MCF2L2: variants seen among roughly 807,000 people sequenced by gnomAD.
The protein encoded by MCF2L2 is probable guanine nucleotide exchange factor MCF2L2.
A neutral mutation model predicts 150.2 loss-of-function variants in MCF2L2; 102 were observed. The observed-to-expected ratio is 0.68, with a 90% CI of 0.58 to 0.80. MCF2L2 has a LOEUF of 0.80. MCF2L2 is among the 30% of genes least tolerant of loss of function. The pLI, the probability that MCF2L2 is intolerant of heterozygous loss-of-function variation, is 0.00. For synonymous variants in MCF2L2, 465 were observed against 491.3 expected (o/e 0.95, Z 0.71); for missense variants, 1,256 against 1,372.8 (o/e 0.91, Z 1.34).
At chr3:183,273,065 CTG>C in intron 15 of MCF2L2, 1 of 1,480,458 alleles carries the variant, frequency 6.8e-7, no homozygotes, top group Non-Finnish European at 9.0e-7. Flanking sequence ...AGAAGAGTAT[CTG>C]TAAATAAAAG....
chr3:183,401,362 GC>G (rs1714744828), intron 1 of MCF2L2, among the ~76,000 whole-genome samples: 1 of 152,150 alleles, frequency 6.6e-6, no homozygotes, highest in African/African-American at 2.4e-5. Context: ...TATCATTCAA[GC>G]TAAAATTTCA....
chr3:183,217,225 C>G (rs1722977181), intron 21 of MCF2L2, among the ~76,000 whole-genome samples: 1 of 129,866 alleles, frequency 7.7e-6, no homozygotes, highest in African/African-American at 2.9e-5. Flanking sequence ...ACCCAGGAGG[C>G]GGAGGTTGCA....
chr3:183,347,304 G>A (rs1730938173), intron 3 of MCF2L2, among the ~76,000 whole-genome samples: 1 of 152,172 alleles, frequency 6.6e-6, no homozygotes. Flanking sequence ...AAGCAATGGG[G>A]AAAGGATTCC....
intron 14 of MCF2L2, among the ~76,000 whole-genome samples, chr3:183,286,365 A>G (rs984622389): frequency 6.6e-6 from 1 of 152,158 alleles, no homozygotes; most frequent in Non-Finnish European, 1.5e-5. Flanking sequence ...TTCTAGACCT[A>G]AGGCCAAAAG....
Position 183,309,847 on chromosome 3 carries a change from A to C in MCF2L2, c.994-12T>G. 6.2e-7 allele frequency: 1 copy of C among 1,613,358 alleles called. No homozygotes were observed. The highest frequency in any genetic ancestry group is 1.1e-5 in the South Asian group (1 of 91,080). On this transcript the variant is annotated splice_polypyrimidine_tract_variant and intron_variant, in intron 9 of 29. Transcript: ENST00000328913. Reference sequence around the variant, plus strand: ...AGGGCAAGCTTAGCCTACAAGAAACATTAGAACAGTCCAGAAGTAAACCAA... The same window carrying C: ...AGGGCAAGCTTAGCCTACAAGAAACCTTAGAACAGTCCAGAAGTAAACCAA...
chr3:183,189,978 T>C (rs1721821668), intron 27 of MCF2L2, among the ~76,000 whole-genome samples: 1 of 152,186 alleles, frequency 6.6e-6, no homozygotes, highest in African/African-American at 2.4e-5. Context: ...TCTGCCACTT[T>C]TACCAGCCCA....
intron 3 of MCF2L2, among the ~76,000 whole-genome samples, chr3:183,345,051 G>A (rs558707758): frequency 5.3e-4 from 80 of 152,276 alleles, no homozygotes; most frequent in African/African-American, 1.9e-3. Context: ...CTTGAACTCA[G>A]CTCTGGACCA....
chr3:183,209,492 A>G lies in MCF2L2; in HGVS notation c.2497-1669T>C, dbSNP rs1722612564. Among the ~76,000 whole-genome samples the G allele has an allele frequency of 2.0e-5, 3 of 152,140 alleles. No homozygotes were observed. In the South Asian group the frequency reaches 6.2e-4, roughly 32 times the overall value. ...TGCTTCACGCACAAAATTATTTTTT[A>G]TTTTTTATTTTTTTGAGACGGAGTC... On this transcript the variant is annotated intron_variant, in intron 22 of 29. Coordinates refer to ENST00000328913, the MANE Select transcript of MCF2L2 (RefSeq NM_015078.4).
intron 25 of MCF2L2, among the ~76,000 whole-genome samples, chr3:183,196,002 C>T (rs939717855): frequency 1.3e-5 from 2 of 152,192 alleles, no homozygotes; most frequent in African/African-American, 2.4e-5. Flanking sequence ...GCTGCCTGCC[C>T]CTGCACTCTT....
At chr3:183,233,706 A>C (rs1723670327) in intron 15 of MCF2L2, among the ~76,000 whole-genome samples, 1 of 152,180 alleles carries the variant, frequency 6.6e-6, no homozygotes. Context: ...AAGTATGGGA[A>C]AGGAGAATTT....
intron 5 of MCF2L2, 25 bp from the exon 6 acceptor site, chr3:183,323,376 C>T: frequency 8.3e-7 from 1 of 1,211,116 alleles, no homozygotes; most frequent in Non-Finnish European, 1.2e-6. Flanking sequence ...TTTAATTAAA[C>T]ATACTCCTCA....
At chr3:183,196,782 C>A (rs1259757219) in intron 25 of MCF2L2, among the ~76,000 whole-genome samples, 6 of 152,172 alleles carry the variant, frequency 3.9e-5, no homozygotes, top group African/African-American at 1.4e-4. Flanking sequence ...CTGGGCCTTT[C>A]AGTTCAGTAG....
chr3:183,292,750 A>G (rs1728236212), intron 13 of MCF2L2, among the ~76,000 whole-genome samples: 1 of 152,216 alleles, frequency 6.6e-6, no homozygotes, highest in Non-Finnish European at 1.5e-5. Context: ...ACATTGTAGT[A>G]TGTAGTATGA....
rs1050215867 is a variant in MCF2L2 at position 183,181,099 on chromosome 3, G to A, written c.3017-940C>T. ...CAGGCGAGAATTCAGGGAGGTTTGG[G>A]CAGGACTTGAGGGGCAGACAGGACT... is the stretch of plus-strand genomic sequence containing the variant. On this transcript the variant is annotated intron_variant, in intron 27 of 29. Coordinates refer to ENST00000328913, the MANE Select transcript of MCF2L2 (RefSeq NM_015078.4). This position sits in a 1 kb window ranked among gnomAD's most constrained non-coding sequence, Gnocchi z 4.3. 2.6e-5 allele frequency among the ~76,000 whole-genome samples: 4 copies of A among 152,260 alleles called. No individual in the cohort carries two copies. The highest frequency in any genetic ancestry group is 5.9e-5 in the Non-Finnish European group (4 of 68,048).
intron 3 of MCF2L2, among the ~76,000 whole-genome samples, chr3:183,349,248 T>G (rs1246306483): frequency 6.6e-6 from 1 of 152,250 alleles, no homozygotes; most frequent in African/African-American, 2.4e-5. Context: ...GGGTTTCTTA[T>G]TCTCTTTTCA....
At chr3:183,362,501 G>A (rs912114300) in intron 3 of MCF2L2, among the ~76,000 whole-genome samples, 3 of 151,718 alleles carry the variant, frequency 2.0e-5, no homozygotes, top group Non-Finnish European at 4.4e-5. Flanking sequence ...AGGCATTCTT[G>A]GAAAGGCATA....
At position 183,338,974 on chromosome 3, in the gene MCF2L2, C is replaced by A. The variant is rs570726571; in HGVS notation, c.367-55G>T. On this transcript the variant is annotated intron_variant, in intron 4 of 29. Coordinates refer to ENST00000328913, the MANE Select transcript of MCF2L2 (RefSeq NM_015078.4). ...AGAGAGAAAAATGTCATATTCGTTA[C>A]CAGGGTCTACTTTGGTCTCCCCTTG... The A allele has an allele frequency of 2.2e-5, 34 of 1,552,232 alleles. 1 individual carries two copies. The East Asian group carries it at 3.9e-4, about 18-fold the overall frequency.
Position 183,364,436 on chromosome 3 carries a change from C to T in MCF2L2, c.275+14861G>A, listed in dbSNP as rs373067968. Among the ~76,000 whole-genome samples the T allele has an allele frequency of 3.2e-4, 49 of 152,152 alleles. No homozygotes were observed. The East Asian group carries it at 4.1e-3, about 13-fold the overall frequency. On this transcript the variant is annotated intron_variant, in intron 3 of 29. Transcript: ENST00000328913. The stretch of plus-strand genomic sequence containing the variant: ...TCAGGAGGCTGAGGCAGGAGAATGG[C>T]GTGAACCCAGGGGGCGGAGCTTGCA...
chr3:183,330,186 A>C (rs1246837746), intron 5 of MCF2L2, among the ~76,000 whole-genome samples: 1 of 148,062 alleles, frequency 6.8e-6, no homozygotes, highest in Non-Finnish European at 1.5e-5. Flanking sequence ...CTGAGGTTAC[A>C]CTGAGCCATG....
Sources: gnomAD v4.1 joint callset for allele counts (sites outside exome capture counted in the v4.1 genomes callset) on GRCh38, gnomAD v4.1.1 for gene constraint, Gnocchi (gnomAD v3.1) non-coding constraint, MANE v1.5 for transcripts, NCBI Gene and HGNC (gene_info 2026-07-23, HGNC 2026-07-21) for gene names.